NRP2: variants seen among roughly 807,000 people sequenced by gnomAD.
The protein encoded by NRP2 is neuropilin 2.
NRP2 carries 52 observed loss-of-function variants against 110.4 expected under a neutral mutation model. That is an observed-to-expected ratio of 0.47 (90% confidence interval 0.38 to 0.59). The LOEUF (loss-of-function observed/expected upper bound fraction) is 0.59. Ranked by LOEUF, NRP2 falls within the 20% of genes least tolerant of loss-of-function variation. The pLI, the probability that NRP2 is intolerant of heterozygous loss-of-function variation, is 0.00. For missense variants in NRP2, 1,049 were observed against 1,203.0 expected (o/e 0.87, Z 1.89); for synonymous variants, 508 against 468.9 (o/e 1.08, Z -1.08).
At position 205,686,311 on chromosome 2, in the gene NRP2, T is replaced by G. The variant is rs2056161963; in HGVS notation, c.73+2948T>G. On this transcript the variant is annotated intron_variant, in intron 1 of 16. Coordinates refer to ENST00000357785, the MANE Select transcript of NRP2 (RefSeq NM_003872.3). The surrounding 1 kb of genome is among the most constrained non-coding windows in gnomAD (Gnocchi z 4.7). ...CTATGCCGGAAAGTTAGGTCTCGGC[T>G]GCAGCGCTGGTCTCTGGAGAAGCCT... 6.6e-6 allele frequency among the ~76,000 whole-genome samples: 1 copy of G among 152,136 alleles called. No homozygotes were observed.
intron 12 of NRP2, among the ~76,000 whole-genome samples, chr2:205,754,860 G>A (rs1279320731): frequency 6.6e-6 from 1 of 152,094 alleles, no homozygotes. Context: ...TGGAATAAAA[G>A]GATATAGCCG....
chr2:205,726,276 G>A (rs1367706560), intron 6 of NRP2, among the ~76,000 whole-genome samples, 194 bp downstream of exon 6: 5 of 152,202 alleles, frequency 3.3e-5, no homozygotes. Flanking sequence ...TGATCAGAGG[G>A]AGCCTGCCCC....
Position 205,784,216 on chromosome 2 carries a change from TTA to T in NRP2, c.2426-8017_2426-8016del, listed in dbSNP as rs2058210829. Among the ~76,000 whole-genome samples, 3 of 152,200 alleles carry T rather than the reference TTA, an allele frequency of 2.0e-5. No homozygotes were observed. In the South Asian group the frequency reaches 6.2e-4, roughly 32 times the overall value. On this transcript the variant is annotated intron_variant, in intron 15 of 16. Coordinates refer to ENST00000357785, the MANE Select transcript of NRP2 (RefSeq NM_003872.3). ...TGCCTGGACTGGACTTCCCTGCAACTTATTAAAGAGCAGCCAGCTCCAGTAAC... is the reference window on the plus strand; with the variant it reads ...TGCCTGGACTGGACTTCCCTGCAACTTTAAAGAGCAGCCAGCTCCAGTAAC...
chr2:205,776,402 A>C (rs1382094643), intron 15 of NRP2: 2 of 1,613,620 alleles, frequency 1.2e-6, no homozygotes, highest in Non-Finnish European at 1.7e-6. Flanking sequence ...CGGTTCCGCT[A>C]TGCGGCCAAG....
At chr2:205,748,052 G>C (rs1326910442) in intron 10 of NRP2, among the ~76,000 whole-genome samples, 1 of 151,830 alleles carries the variant, frequency 6.6e-6, no homozygotes, top group Non-Finnish European at 1.5e-5. Context: ...AGTACAAACA[G>C]TATAAACACC....
At chr2:205,714,256 GC>G (rs1327652703) in intron 2 of NRP2, among the ~76,000 whole-genome samples, 1 of 152,166 alleles carries the variant, frequency 6.6e-6, no homozygotes, top group African/African-American at 2.4e-5. Flanking sequence ...TCAGTAACTT[GC>G]CTGAGGTCAC....
Position 205,770,101 on chromosome 2 carries a change from G to A in NRP2, c.2425+3298G>A, listed in dbSNP as rs780692543. Among the ~76,000 whole-genome samples the A allele has an allele frequency of 4.2e-4, 64 of 152,256 alleles. 1 individual carries two copies. The highest frequency in any genetic ancestry group is 6.6e-4 in the Non-Finnish European group (45 of 68,002). The stretch of plus-strand genomic sequence containing the variant: ...GGTGCCCTACCTGTTAGAGACTCAC[G>A]GAAATCCCAGCTGGGTGCACCTGTG... On this transcript the variant is annotated intron_variant, in intron 15 of 16. Transcript: ENST00000357785.
intron 6 of NRP2, among the ~76,000 whole-genome samples, chr2:205,727,544 T>C (rs1296987097): frequency 6.6e-6 from 1 of 152,164 alleles, no homozygotes; most frequent in Admixed American, 6.5e-5. Context: ...CTTGTTTCTT[T>C]AAAGCAGCAT....
At chr2:205,783,797 G>T (rs534452061) in intron 15 of NRP2, among the ~76,000 whole-genome samples, 2 of 152,370 alleles carry the variant, frequency 1.3e-5, no homozygotes, top group South Asian at 4.1e-4. Context: ...TTTCTGTGGT[G>T]TGCTGAGAGA....
At chr2:205,753,026 A>G in intron 12 of NRP2, 51 bp downstream of exon 12, 1 of 1,607,718 alleles carries the variant, frequency 6.2e-7, no homozygotes, top group Non-Finnish European at 8.5e-7. Flanking sequence ...AGCTTGTTCC[A>G]CATACTTCAA....
intron 9 of NRP2, among the ~76,000 whole-genome samples, chr2:205,744,840 G>A (rs915434182): frequency 2.6e-5 from 4 of 152,314 alleles, no homozygotes; most frequent in South Asian, 2.1e-4. Context: ...ACCTTGCATC[G>A]ATGGAGCAGA....
At chr2:205,700,506 T>C (rs184611113) in intron 2 of NRP2, among the ~76,000 whole-genome samples, 1 of 152,318 alleles carries the variant, frequency 6.6e-6, no homozygotes, top group Non-Finnish European at 1.5e-5. Context: ...TCTTCCTACG[T>C]GCAGGGTTAA....
At chr2:205,735,648 A>G (rs1192833232) in intron 7 of NRP2, among the ~76,000 whole-genome samples, 34 of 104,832 alleles carry the variant, frequency 3.2e-4, no homozygotes, top group Non-Finnish European at 1.0e-4. Flanking sequence ...GGGATGCTGG[A>G]TAGCAGCTGA....
chr2:205,729,615 A>C (rs565340043), intron 7 of NRP2, among the ~76,000 whole-genome samples: 4 of 152,376 alleles, frequency 2.6e-5, no homozygotes, highest in South Asian at 2.1e-4. Context: ...GCAATGACTA[A>C]GCAGCACAGG....
At position 205,776,454 on chromosome 2, in the gene NRP2, C is replaced by A. The variant is rs745387277; in HGVS notation, c.2425+9651C>A. ...TCACCTACAAAACCTCCCACTACAC[C>A]AACGGGGCCCCTCTGGCGGTGGAGC... On this transcript the variant is annotated intron_variant, in intron 15 of 16. Coordinates refer to ENST00000357785, the MANE Select transcript of NRP2 (RefSeq NM_003872.3). 2 of 1,612,784 alleles carry A rather than the reference C, an allele frequency of 1.2e-6. No individual in the cohort carries two copies. Among genetic ancestry groups the A allele is most frequent in the Admixed American group, 3.3e-5 (2 of 60,004 alleles).
intron 15 of NRP2, among the ~76,000 whole-genome samples, chr2:205,775,824 T>C (rs1478420373): frequency 2.0e-5 from 3 of 152,194 alleles, no homozygotes; most frequent in African/African-American, 7.2e-5. Flanking sequence ...TGTGTATGTG[T>C]ATGTGTGTGT....
intron 2 of NRP2, among the ~76,000 whole-genome samples, chr2:205,708,981 C>T (rs922051010): frequency 4.6e-5 from 7 of 152,200 alleles, no homozygotes; most frequent in African/African-American, 1.7e-4. Context: ...ATAACAGCAG[C>T]AGTAACAACA....
At chr2:205,739,217 C>A (rs2057398170) in intron 7 of NRP2, among the ~76,000 whole-genome samples, 1 of 152,162 alleles carries the variant, frequency 6.6e-6, no homozygotes, top group Non-Finnish European at 1.5e-5. Context: ...ATAAACACTG[C>A]AAATGTGTTA....
intron 15 of NRP2, among the ~76,000 whole-genome samples, chr2:205,774,580 G>A (rs375989716): frequency 3.3e-5 from 5 of 152,316 alleles, no homozygotes; most frequent in African/African-American, 7.2e-5. Context: ...GCACCCTAGC[G>A]GAAGGGGATT....
Sources: allele counts gnomAD v4.1 joint callset (sites outside exome capture counted in the v4.1 genomes callset), GRCh38; gene constraint gnomAD v4.1.1; non-coding constraint Gnocchi (gnomAD v3.1); transcripts MANE v1.5; gene names NCBI Gene and HGNC (gene_info 2026-07-23, HGNC 2026-07-21).